AP3B1: variants seen among roughly 807,000 people sequenced by gnomAD.
The protein encoded by AP3B1 is adaptor related protein complex 3 subunit beta 1.
AP3B1 carries 61 observed loss-of-function variants against 132.5 expected under a neutral mutation model. The observed-to-expected ratio is 0.46, with a 90% CI of 0.37 to 0.57. The LOEUF is 0.57. Ranked by LOEUF, AP3B1 falls within the 20% of genes least tolerant of loss-of-function variation. The pLI, the probability that AP3B1 is intolerant of heterozygous loss-of-function variation, is 0.00. For missense variants in AP3B1, 1,120 were observed against 1,289.4 expected, an observed-to-expected ratio of 0.87 and a Z score of 2.01; for synonymous variants, 388 against 438.3, an observed-to-expected ratio of 0.89 and a Z score of 1.43.
intron 17 of AP3B1, among the ~76,000 whole-genome samples, chr5:78,123,961 A>G (rs1387461947): frequency 6.6e-6 from 1 of 152,262 alleles, no homozygotes; most frequent in East Asian, 1.9e-4. Context: ...ATGTCCAACA[A>G]CGACAGACTG....
chr5:78,290,779 T>C (rs1749479979), intron 1 of AP3B1, among the ~76,000 whole-genome samples: 1 of 151,916 alleles, frequency 6.6e-6, no homozygotes, highest in African/African-American at 2.4e-5. Flanking sequence ...CAAGACCCCA[T>C]CTCTACAATA....
chr5:78,141,079 G>A (rs528784338), intron 15 of AP3B1, 64 bp downstream of exon 15: 15 of 1,467,064 alleles, frequency 1.0e-5, no homozygotes, highest in South Asian at 6.9e-5. Context: ...ACAGACCCCC[G>A]CTGTTTGATC....
rs188303334 is a variant in AP3B1 at position 78,259,793 on chromosome 5, C to A, written c.204+7727G>T. On this transcript the variant is annotated intron_variant, in intron 2 of 26. Coordinates refer to ENST00000255194, the MANE Select transcript of AP3B1 (RefSeq NM_003664.5). Reference sequence around the variant, plus strand: ...GACCAGCCTGGCCAAAATGGTGAAACCCCAACTCTACTAAAAATACAAATA... The same window carrying A: ...GACCAGCCTGGCCAAAATGGTGAAAACCCAACTCTACTAAAAATACAAATA... 9.3e-4 allele frequency among the ~76,000 whole-genome samples: 141 copies of A among 151,848 alleles called. 1 individual carries two copies. The East Asian group carries it at 0.025, about 27-fold the overall frequency.
rs748328573 is a variant in AP3B1, at chr5:78,193,768, A to ATT, written c.787-12107_787-12106insAA. ...TTTATATATATATATATATATATAT[A>ATT]TATTTTTTTTTTAGACAGAGTCTCG... On this transcript the variant is annotated intron_variant, in intron 7 of 26. Coordinates refer to ENST00000255194, the MANE Select transcript of AP3B1 (RefSeq NM_003664.5). Among the ~76,000 whole-genome samples, 50 of 66,666 alleles carry ATT rather than the reference A, an allele frequency of 7.5e-4. 1 individual carries two copies. The highest frequency in any genetic ancestry group is 2.9e-3 in the African/African-American group (48 of 16,620). 43.7% of individuals were successfully genotyped at this position (66,666 alleles called of 152,430 possible).
At position 78,002,362 on chromosome 5, in the gene AP3B1, A is replaced by C. The variant is rs1438175120; in HGVS notation, c.*540T>G. On this transcript the variant is annotated 3_prime_UTR_variant, in exon 27 of 27. Transcript: ENST00000255194. ...TGCTAGTTTATTTATCTTATTATTG[A>C]GAGATAATTTCATGATGACAGTTAT... is the stretch of plus-strand genomic sequence containing the variant. The C allele has an allele frequency of 2.6e-6, 1 of 378,630 alleles. No homozygotes were observed. Among genetic ancestry groups the C allele is most frequent in the Non-Finnish European group, 4.7e-6 (1 of 214,186 alleles). 23.5% of individuals were successfully genotyped at this position (378,630 alleles called of 1,614,324 possible).
intron 17 of AP3B1, among the ~76,000 whole-genome samples, chr5:78,124,804 A>G (rs1752391905): frequency 6.6e-6 from 1 of 152,188 alleles, no homozygotes; most frequent in South Asian, 2.1e-4. Context: ...TCTTAAATCC[A>G]AACATATTTC....
At chr5:78,086,845 T>G (rs751417891) in intron 22 of AP3B1, among the ~76,000 whole-genome samples, 1 of 150,148 alleles carries the variant, frequency 6.7e-6, no homozygotes, top group Admixed American at 6.7e-5. Context: ...AAATACGAAG[T>G]TTTTTTTTTC....
intron 26 of AP3B1, among the ~76,000 whole-genome samples, chr5:78,004,004 G>A (rs1746292036): frequency 6.6e-6 from 1 of 152,164 alleles, no homozygotes; most frequent in South Asian, 2.1e-4. Context: ...TTTGATTGCA[G>A]GGATGACTGG....
At chr5:78,117,787 TAC>T (rs1751924767) in intron 17 of AP3B1, among the ~76,000 whole-genome samples, 1 of 152,242 alleles carries the variant, frequency 6.6e-6, no homozygotes, top group Non-Finnish European at 1.5e-5. Context: ...ACCACTTTAA[TAC>T]AGAGTATTAG....
intron 7 of AP3B1, among the ~76,000 whole-genome samples, chr5:78,197,228 T>A (rs1230674415): frequency 6.6e-6 from 1 of 152,042 alleles, no homozygotes; most frequent in East Asian, 1.9e-4. Context: ...TCTGAACCTA[T>A]CTTATATAAA....
intron 15 of AP3B1, among the ~76,000 whole-genome samples, chr5:78,130,978 G>A (rs965146246): frequency 2.0e-5 from 3 of 151,640 alleles, no homozygotes; most frequent in Non-Finnish European, 2.9e-5. Context: ...GTTAGGTAGG[G>A]CATTTAAAGT....
intron 22 of AP3B1, among the ~76,000 whole-genome samples, chr5:78,086,453 G>A (rs1240542268): frequency 6.6e-6 from 1 of 152,100 alleles, no homozygotes; most frequent in African/African-American, 2.4e-5. Flanking sequence ...TGAAAATAAT[G>A]GAGGCACTGG....
chr5:78,097,286 G>GA (rs1242298443), intron 21 of AP3B1, among the ~76,000 whole-genome samples: 1 of 90,366 alleles, frequency 1.1e-5, no homozygotes, highest in Non-Finnish European at 2.4e-5. Flanking sequence ...GAGGGAGGTG[G>GA]GGGGGTCAGC....
At chr5:78,154,201 A>G (rs770178535) in intron 14 of AP3B1, among the ~76,000 whole-genome samples, 9 of 152,070 alleles carry the variant, frequency 5.9e-5, no homozygotes, top group Non-Finnish European at 1.3e-4. Context: ...TCTCCTTCAT[A>G]TTTGAAGGAT....
intron 22 of AP3B1, among the ~76,000 whole-genome samples, chr5:78,055,610 T>C (rs1346904251): frequency 6.6e-6 from 1 of 152,200 alleles, no homozygotes; most frequent in African/African-American, 2.4e-5. Flanking sequence ...TTCAGTGTCA[T>C]TTCTGTCAAG....
chr5:78,024,474 C>T (rs1204709710), intron 24 of AP3B1, among the ~76,000 whole-genome samples: 1 of 151,932 alleles, frequency 6.6e-6, no homozygotes, highest in Admixed American at 6.6e-5. Context: ...ATTGCAGCCT[C>T]GACCTCCTGG....
chr5:78,129,991 T>C (rs1379194471), intron 15 of AP3B1, among the ~76,000 whole-genome samples: 2 of 152,070 alleles, frequency 1.3e-5, no homozygotes, highest in Non-Finnish European at 2.9e-5. Flanking sequence ...GTAATATTGG[T>C]CATTTATTTA....
chr5:78,121,933 T>G (rs1404983850), intron 17 of AP3B1: 1 of 152,354 alleles, frequency 6.6e-6, no homozygotes, highest in Non-Finnish European at 1.5e-5. Context: ...TGAACATTGA[T>G]GCAAAAATAC....
Position 78,020,721 on chromosome 5 carries a change from A to T in AP3B1, c.2963T>A (p.Met988Lys). 1.9e-6 allele frequency: 3 copies of T among 1,612,702 alleles called. No homozygotes were observed. The highest frequency in any genetic ancestry group is 2.5e-6 in the Non-Finnish European group (3 of 1,179,172). Residue 988 changes from methionine to lysine, a missense_variant, in exon 25 of 27, where the codon ATG becomes AAG. By Grantham distance (95) the Met-to-Lys change is moderately conservative. Coordinates refer to ENST00000255194, the MANE Select transcript of AP3B1 (RefSeq NM_003664.5). ...CTCTTTCTTAAAATCTTTCTCTGAC[A>T]TGGCCACAGGTAAAAGCAGTTCTCC... ...PVGELLLPVA[M>K]SEKDFKKEQG... is the part of the protein sequence containing the mutation.
Sources: allele counts gnomAD v4.1 joint callset (sites outside exome capture counted in the v4.1 genomes callset), GRCh38; gene constraint gnomAD v4.1.1; transcripts MANE v1.5; gene names NCBI Gene and HGNC (gene_info 2026-07-23, HGNC 2026-07-21).